Variants in LMNB1 observed in about 807,000 individuals in gnomAD.
LMNB1 encodes lamin-B1.
A neutral mutation model predicts 67.1 loss-of-function variants in LMNB1; 23 were observed. The observed-to-expected ratio is 0.34, with a 90% CI of 0.25 to 0.49. LMNB1 has a LOEUF of 0.49. LMNB1 is among the 20% of genes least tolerant of loss of function. The pLI, the probability that LMNB1 is intolerant of heterozygous loss-of-function variation, is 0.99. For synonymous variants in LMNB1, 281 were observed against 282.9 expected (o/e 0.99, Z 0.07); for missense variants, 634 against 746.5 (o/e 0.85, Z 1.76).
At chr5:126,822,738 T>C (rs539175600) in intron 7 of LMNB1, 43 bp from the exon 8 acceptor site, 6 of 1,198,382 alleles carry the variant, frequency 5.0e-6, no homozygotes, top group African/African-American at 4.6e-5. Context: ...ACAACTTTCT[T>C]TATCTTTGAA....
chr5:126,817,753 G>T lies in LMNB1; in HGVS notation c.940-1169G>T, dbSNP rs560156417. 5.3e-5 allele frequency among the ~76,000 whole-genome samples: 8 copies of T among 152,234 alleles called. No individual in the cohort carries two copies. The South Asian group carries it at 1.7e-3, about 32-fold the overall frequency. ...CAAGAGTACAGTTTTTATGTATTTG[G>T]TAGCTCCTTTTTATCTCTAGCCTTC... is the stretch of plus-strand genomic sequence containing the variant. On this transcript the variant is annotated intron_variant, in intron 5 of 10. Transcript: ENST00000261366.
chr5:126,812,992 G>A (rs1047465941), intron 5 of LMNB1, among the ~76,000 whole-genome samples: 2 of 152,166 alleles, frequency 1.3e-5, no homozygotes, highest in African/African-American at 4.8e-5. Flanking sequence ...GCTTCCCAGA[G>A]TGCTGGGATT....
In LMNB1 at chr5:126,820,497, T is replaced by G. The variant is rs548040669; in HGVS notation, c.1161-413T>G. The stretch of plus-strand genomic sequence containing the variant: ...AACAGATTGTAAGTAATATTTTGCT[T>G]TAGAAATGCATGGGTGGGATATTCT... On this transcript the variant is annotated intron_variant, in intron 6 of 10. Transcript: ENST00000261366. Among the ~76,000 whole-genome samples the G allele has an allele frequency of 1.3e-5, 2 of 152,300 alleles. 1 individual carries two copies. Among genetic ancestry groups the G allele is most frequent in the East Asian group, 3.9e-4 (2 of 5,186 alleles).
chr5:126,822,753 C>A, intron 7 of LMNB1, 28 bp from the exon 8 acceptor site: 1 of 1,331,804 alleles, frequency 7.5e-7, no homozygotes, highest in Non-Finnish European at 1.1e-6. Flanking sequence ...TTTGAAGTAA[C>A]ACCCCTCACC....
At chr5:126,806,102 G>A (rs560904889) in intron 3 of LMNB1, among the ~76,000 whole-genome samples, 4 of 152,148 alleles carry the variant, frequency 2.6e-5, no homozygotes, top group Non-Finnish European at 5.9e-5. Flanking sequence ...CTACAGGCGT[G>A]CGCCACCACG....
At chr5:126,828,408 A>G (rs1376329507) in intron 9 of LMNB1, among the ~76,000 whole-genome samples, 3 of 152,200 alleles carry the variant, frequency 2.0e-5, no homozygotes, top group East Asian at 3.8e-4. Context: ...AAAAATAGAT[A>G]CAGTGACATG....
rs180912892 is a variant in LMNB1 at position 126,786,713 on chromosome 5, T to C, written c.359+8846T>C. Among the ~76,000 whole-genome samples the C allele has an allele frequency of 5.3e-5, 8 of 152,326 alleles. No individual in the cohort carries two copies. In the East Asian group the frequency reaches 1.5e-3, roughly 29 times the overall value. ...AGGATAGTTGATTTTCAGATCCCTT[T>C]GGGTGCTACTTTTGGAAATGCTACT... On this transcript the variant is annotated intron_variant, in intron 1 of 10. Coordinates refer to ENST00000261366, the MANE Select transcript of LMNB1 (RefSeq NM_005573.4).
At chr5:126,797,979 G>T (rs748169785) in intron 1 of LMNB1, among the ~76,000 whole-genome samples, 5 of 152,258 alleles carry the variant, frequency 3.3e-5, no homozygotes, top group African/African-American at 7.2e-5. Context: ...CCAGCTTCTT[G>T]GGGGACTGAG....
chr5:126,806,802 G>A (rs1368474345), intron 3 of LMNB1, among the ~76,000 whole-genome samples: 1 of 150,086 alleles, frequency 6.7e-6, no homozygotes, highest in Non-Finnish European at 1.5e-5. Context: ...TTTGAGACAC[G>A]AGACCCGCTC....
In LMNB1 at chr5:126,834,682, C is replaced by G. The variant is rs1752210441; in HGVS notation, c.1720-1541C>G. ...ACAAGGTCAGGAGATCGAGACCATC[C>G]TGGCTAACACGGTGAAACCCCGTCT... On this transcript the variant is annotated intron_variant, in intron 10 of 10. Transcript: ENST00000261366. Among the ~76,000 whole-genome samples the G allele has an allele frequency of 2.0e-5, 3 of 152,156 alleles. No homozygotes were observed. The South Asian group carries it at 6.2e-4, about 31-fold the overall frequency.
intron 9 of LMNB1, among the ~76,000 whole-genome samples, chr5:126,831,755 A>G (rs1201427579): frequency 2.6e-5 from 4 of 152,194 alleles, no homozygotes; most frequent in Admixed American, 2.6e-4. Context: ...TGAGTTTTAT[A>G]AAGAATTTAG....
chr5:126,788,896 GTTTTTTTTGT>G (rs1354704137), intron 1 of LMNB1, among the ~76,000 whole-genome samples: 4 of 84,830 alleles, frequency 4.7e-5, no homozygotes, highest in Admixed American at 1.3e-4. Context: ...GTTTTTTTTT[GTTTTTTTTGT>G]TTTTTTTTTT....
chr5:126,800,982 A>ATATATATATATATATTTTTTTTT, intron 1 of LMNB1, among the ~76,000 whole-genome samples: 2 of 18,638 alleles, frequency 1.1e-4, no homozygotes, highest in African/African-American at 1.7e-4. Flanking sequence ...TATATATATA[A>ATATATATATATATATTTTTTTTT]TTTTTTTTTT....
rs1750996222 is a variant in LMNB1 at position 126,792,831 on chromosome 5, C to T, written c.360-11945C>T. On this transcript the variant is annotated intron_variant, in intron 1 of 10. Transcript: ENST00000261366. Reference sequence around the variant, plus strand: ...CCTCAGGTGATCCACCCGCCTCGGCCTCCCAAAGTGCTGAGATTACAGGCA... The same window carrying T: ...CCTCAGGTGATCCACCCGCCTCGGCTTCCCAAAGTGCTGAGATTACAGGCA... Among the ~76,000 whole-genome samples the T allele has an allele frequency of 4.6e-5, 7 of 152,100 alleles. No individual in the cohort carries two copies. In the South Asian group the frequency reaches 1.4e-3, roughly 32 times the overall value.
intron 1 of LMNB1, among the ~76,000 whole-genome samples, chr5:126,803,573 G>T (rs552858689): frequency 6.8e-6 from 1 of 147,230 alleles, no homozygotes; most frequent in Non-Finnish European, 1.5e-5. Context: ...TTGATACAAG[G>T]TCTCTCTCTG....
chr5:126,793,097 T>G (rs1751006429), intron 1 of LMNB1, among the ~76,000 whole-genome samples: 1 of 152,176 alleles, frequency 6.6e-6, no homozygotes, highest in Non-Finnish European at 1.5e-5. Context: ...CTGCTATTGC[T>G]TTAGGAATAG....
At chr5:126,823,609 A>T (rs2126731834) in intron 8 of LMNB1, among the ~76,000 whole-genome samples, 1 of 152,300 alleles carries the variant, frequency 6.6e-6, no homozygotes, top group African/African-American at 2.4e-5. Flanking sequence ...TGTAGAGGTG[A>T]CTGTCTCTTT....
chr5:126,779,445 T>C (rs1160614420), intron 1 of LMNB1, among the ~76,000 whole-genome samples: 1 of 152,226 alleles, frequency 6.6e-6, no homozygotes, highest in African/African-American at 2.4e-5. Context: ...ATTTCTATGT[T>C]CCTCCAAATT....
chr5:126,818,751 T>G (rs983045985), intron 5 of LMNB1, among the ~76,000 whole-genome samples, 171 bp from the exon 6 acceptor site: 42 of 152,184 alleles, frequency 2.8e-4, no homozygotes, highest in African/African-American at 1.0e-3. Context: ...GGTCTGTGTT[T>G]TGTATTTGAG....
Sources: allele counts gnomAD v4.1 joint callset (sites outside exome capture counted in the v4.1 genomes callset), GRCh38; gene constraint gnomAD v4.1.1; transcripts MANE v1.5; gene names NCBI Gene and HGNC (gene_info 2026-07-23, HGNC 2026-07-21).